The following HSF2BP variants were observed in gnomAD, a reference collection of about 807,000 sequenced individuals.
HSF2BP encodes heat shock factor 2-binding protein.
HSF2BP carries 35 observed loss-of-function variants against 35.0 expected under a neutral mutation model. The observed-to-expected ratio is 1.00, with a 90% confidence interval of 0.76 to 1.32. The LOEUF is 1.32. HSF2BP is among the 40% of genes most tolerant of loss of function. The probability of loss-of-function intolerance (pLI) is 0.00; values close to 1 mark genes in which losing one functional copy is unlikely to be tolerated. For synonymous variants in HSF2BP, 114 were observed against 117.4 expected (o/e 0.97, Z 0.18); for missense variants, 326 against 321.7 (o/e 1.01, Z -0.10).
chr21:43,595,942 G>C (rs531132883), intron 7 of HSF2BP, among the ~76,000 whole-genome samples: 5 of 151,326 alleles, frequency 3.3e-5, no homozygotes, highest in Non-Finnish European at 7.4e-5. Flanking sequence ...TTAGGCTCTC[G>C]AACTCCTGAC....
chr21:43,629,473 G>A (rs183941283), intron 6 of HSF2BP, among the ~76,000 whole-genome samples: 194 of 152,344 alleles, frequency 1.3e-3, no homozygotes, highest in Non-Finnish European at 1.1e-3. Context: ...GCTGAGGCAG[G>A]AGAATCACTT....
intron 7 of HSF2BP, 106 bp downstream of exon 7, chr21:43,613,724 T>G: frequency 1.2e-6 from 1 of 801,784 alleles, no homozygotes; most frequent in Non-Finnish European, 2.1e-6. Context: ...CTTCTAGTTT[T>G]TAAAACTACC....
the HSF2BP span, among the ~76,000 whole-genome samples, chr21:43,507,145 T>C: frequency 4.6e-5 from 6 of 130,526 alleles, 1 homozygote; most frequent in South Asian, 1.5e-3. Context: ...CCTGTGAGAC[T>C]GGAACAGGAA....
At chr21:43,615,777 A>C (rs1007618212) in intron 6 of HSF2BP, among the ~76,000 whole-genome samples, 1 of 152,190 alleles carries the variant, frequency 6.6e-6, no homozygotes, top group African/African-American at 2.4e-5. Context: ...AAAACAAAGC[A>C]AGTAAGCATT....
rs1320404137 is a variant in HSF2BP at position 43,659,082 on chromosome 21, G to A, written c.-225+304C>T. 3.3e-5 allele frequency among the ~76,000 whole-genome samples: 5 copies of A among 152,292 alleles called. No individual in the cohort carries two copies. In the East Asian group the frequency reaches 9.7e-4, roughly 30 times the overall value. On this transcript the variant is annotated intron_variant, in intron 1 of 8. Transcript: ENST00000291560. The surrounding 1 kb of genome is among the most constrained non-coding windows in gnomAD (Gnocchi z 4.2). The stretch of plus-strand genomic sequence containing the variant: ...GGAGGCCGCCGCGGGAGGATTGCTT[G>A]AGCCCAGGAGTTTGAGACCAGCTTG...
At chr21:43,619,290 T>C (rs976364646) in intron 6 of HSF2BP, among the ~76,000 whole-genome samples, 3 of 152,180 alleles carry the variant, frequency 2.0e-5, no homozygotes, top group African/African-American at 7.2e-5. Flanking sequence ...TCTGATAAGG[T>C]ACTAGTATAT....
Position 43,613,943 on chromosome 21 carries a change from A to G in HSF2BP, c.579T>C (p.Val193=), listed in dbSNP as rs771158557. The G allele has an allele frequency of 5.6e-6, 9 of 1,602,934 alleles. No homozygotes were observed. The Admixed American group carries it at 1.5e-4, about 27-fold the overall frequency. Residue 193 remains valine (V), a synonymous_variant, in exon 7 of 9, where the codon GTT becomes GTC. Coordinates refer to ENST00000291560, the MANE Select transcript of HSF2BP (RefSeq NM_007031.2). ...VFALAGIVTN[V]AAIACGREFL... ...ATTCACGACCACATGCTATAGCAGC[A>G]ACATCTGCAACAGAAAATGAAACAA...
intron 6 of HSF2BP, among the ~76,000 whole-genome samples, chr21:43,626,980 G>A (rs550223793): frequency 1.3e-5 from 2 of 151,974 alleles, no homozygotes; most frequent in African/African-American, 2.4e-5. Flanking sequence ...CAATTCTCCT[G>A]CCTCAGCCTA....
Position 43,581,385 on chromosome 21 carries a change from C to CA in HSF2BP, c.796+10839dup, listed in dbSNP as rs200342542. 7.4e-3 allele frequency among the ~76,000 whole-genome samples: 777 copies of CA among 105,546 alleles called. 6 individuals carry two copies. The highest frequency in any genetic ancestry group is 0.013 in the East Asian group (50 of 3,832). The allele number at this position is 105,546 out of a possible 152,430, so 69.2% of individuals were successfully genotyped here. A position where few individuals can be genotyped will look rare whatever the true frequency, so the allele number is the denominator to read the frequency against. ...TGGGTGGCAGAGTGAGACTCTGTCT[C>CA]AAAAAAAAAAAAAGAAAGAAAAGAA... On this transcript the variant is annotated intron_variant, in intron 8 of 8. Transcript: ENST00000291560.
At position 43,658,266 on chromosome 21, in the gene HSF2BP, T is replaced by C. The variant is rs544306682; in HGVS notation, c.-170A>G. The C allele has an allele frequency of 1.1e-3, 828 of 736,746 alleles. 9 individuals carry two copies. In the African/African-American group the frequency reaches 0.014, roughly 12 times the overall value. 45.6% of individuals were successfully genotyped at this position (736,746 alleles called of 1,614,324 possible). ...TCGGCCTAGAGAGCGAGGAGTGGCC[T>C]TGGCGAGGTCCCTCTTTGGCTCTTC... On this transcript the variant is annotated 5_prime_UTR_variant, in exon 2 of 9. Coordinates refer to ENST00000291560, the MANE Select transcript of HSF2BP (RefSeq NM_007031.2).
At chr21:43,605,222 A>T (rs1270335017) in intron 7 of HSF2BP, among the ~76,000 whole-genome samples, 9 of 131,406 alleles carry the variant, frequency 6.8e-5, no homozygotes, top group Non-Finnish European at 1.5e-4. Context: ...CCCACACCAC[A>T]CACATACCAG....
intron 8 of HSF2BP, 121 bp downstream of exon 8, chr21:43,592,104 G>T: frequency 1.5e-6 from 1 of 648,128 alleles, no homozygotes; most frequent in South Asian, 1.9e-5. Context: ...ATATAGAGAG[G>T]ATTTGGTGCT....
intron 7 of HSF2BP, among the ~76,000 whole-genome samples, chr21:43,611,295 T>G (rs1230588749): frequency 6.6e-6 from 1 of 152,220 alleles, no homozygotes; most frequent in East Asian, 1.9e-4. Context: ...ATATGTATTA[T>G]GTATGTATAG....
In HSF2BP at chr21:43,652,861, C is replaced by T. The variant is rs373941586; in HGVS notation, c.187+3726G>A. 2.0e-4 allele frequency among the ~76,000 whole-genome samples: 31 copies of T among 152,058 alleles called. No individual in the cohort carries two copies. In the East Asian group the frequency reaches 3.7e-3, roughly 18 times the overall value. The stretch of plus-strand genomic sequence containing the variant: ...CTAGAAAGAAGGGCATCAGGCCAGG[C>T]GCAGTGGCTCATAACTGTAATCCAG... On this transcript the variant is annotated intron_variant, in intron 3 of 8. Coordinates refer to ENST00000291560, the MANE Select transcript of HSF2BP (RefSeq NM_007031.2).
At chr21:43,595,008 C>G (rs866216628) in intron 7 of HSF2BP, among the ~76,000 whole-genome samples, 12 of 152,174 alleles carry the variant, frequency 7.9e-5, no homozygotes, top group African/African-American at 2.9e-4. Context: ...CACCTGTAAT[C>G]CCAGCACTTT....
chr21:43,622,755 C>T (rs530160389), intron 6 of HSF2BP, among the ~76,000 whole-genome samples: 1 of 152,064 alleles, frequency 6.6e-6, no homozygotes, highest in South Asian at 2.1e-4. Flanking sequence ...CAGTAATGGC[C>T]GGATGGTCCA....
rs142972719 is a variant in HSF2BP, at chr21:43,585,321, T to C, written c.796+6904A>G. ...CAAGACACTGTATCAAATAAGTAAGTAAAATGTTTTTTTGTGTCTCACTCC... is the reference window on the plus strand; with the variant it reads ...CAAGACACTGTATCAAATAAGTAAGCAAAATGTTTTTTTGTGTCTCACTCC... On this transcript the variant is annotated intron_variant, in intron 8 of 8. Transcript: ENST00000291560. Among the ~76,000 whole-genome samples the C allele has an allele frequency of 6.6e-5, 10 of 152,244 alleles. No homozygotes were observed. In the East Asian group the frequency reaches 1.5e-3, roughly 23 times the overall value.
chr21:43,618,064 G>A (rs1568917523), intron 6 of HSF2BP, among the ~76,000 whole-genome samples: 1 of 152,054 alleles, frequency 6.6e-6, no homozygotes, highest in East Asian at 1.9e-4. Flanking sequence ...TTTGAGATGA[G>A]TCTTAGGCAA....
At chr21:43,601,054 A>T (rs558675104) in intron 7 of HSF2BP, among the ~76,000 whole-genome samples, 3 of 152,206 alleles carry the variant, frequency 2.0e-5, no homozygotes, top group Non-Finnish European at 4.4e-5. Context: ...CATCTTGTAG[A>T]CATTTAGGTA....
Sources: gnomAD v4.1 joint callset for allele counts (sites outside exome capture counted in the v4.1 genomes callset) on GRCh38, gnomAD v4.1.1 for gene constraint, Gnocchi (gnomAD v3.1) non-coding constraint, MANE v1.5 for transcripts, NCBI Gene and HGNC (gene_info 2026-07-23, HGNC 2026-07-21) for gene names.